The following CADM2 variants were observed in gnomAD, a reference collection of about 807,000 sequenced individuals.
The protein encoded by CADM2 is immunoglobulin superfamily member 4D.
Under a neutral mutation model 49.8 loss-of-function variants are expected in CADM2, and 12 were observed. The observed-to-expected ratio is 0.24, with a 90% confidence interval of 0.15 to 0.39. The LOEUF (loss-of-function observed/expected upper bound fraction) is 0.39, where lower values mean the gene tolerates loss of function less well. CADM2 is among the 10% of genes least tolerant of loss of function. The pLI is 1.00. For missense variants in CADM2, 378 were observed against 492.3 expected, an observed-to-expected ratio of 0.77 and a Z score of 2.20; for synonymous variants, 214 against 175.4, an observed-to-expected ratio of 1.22 and a Z score of -1.74.
At chr3:85,135,523 A>G (rs774728351) in intron 1 of CADM2, among the ~76,000 whole-genome samples, 1 of 152,112 alleles carries the variant, frequency 6.6e-6, no homozygotes, top group Admixed American at 6.5e-5. Flanking sequence ...TCAAAAGCAC[A>G]TATAGTACTC....
intron 1 of CADM2, among the ~76,000 whole-genome samples, chr3:85,031,858 C>T (rs2035005331): frequency 6.6e-6 from 1 of 152,088 alleles, no homozygotes; most frequent in Non-Finnish European, 1.5e-5. Context: ...TCATTTTCAT[C>T]AGGTAGTGAA....
chr3:85,360,376 T>C (rs2107276513), intron 1 of CADM2, among the ~76,000 whole-genome samples: 1 of 152,244 alleles, frequency 6.6e-6, no homozygotes, highest in African/African-American at 2.4e-5. Context: ...CATTTAAAAA[T>C]AGCTATAGAC....
chr3:85,076,690 G>T (rs184036500), intron 1 of CADM2, among the ~76,000 whole-genome samples: 1 of 151,838 alleles, frequency 6.6e-6, no homozygotes, highest in Non-Finnish European at 1.5e-5. Context: ...GATAATTTTC[G>T]GCTGGGCATG....
intron 1 of CADM2, among the ~76,000 whole-genome samples, chr3:85,626,856 A>G (rs1416935784): frequency 6.6e-6 from 1 of 152,030 alleles, no homozygotes; most frequent in Non-Finnish European, 1.5e-5. Flanking sequence ...ATCAGTGCAT[A>G]GCTTGGCTTC....
At chr3:85,944,380 A>G (rs1447309192) in intron 7 of CADM2, among the ~76,000 whole-genome samples, 6 of 152,080 alleles carry the variant, frequency 3.9e-5, no homozygotes, top group African/African-American at 1.2e-4. Context: ...GAAAGTTAAC[A>G]GGGATATCCA....
rs189273615 is a variant in CADM2 at position 86,031,970 on chromosome 3, A to G, written c.971-33635A>G. 1.9e-3 allele frequency among the ~76,000 whole-genome samples: 290 copies of G among 151,934 alleles called. 1 individual carries two copies. The highest frequency in any genetic ancestry group is 6.4e-3 in the African/African-American group (267 of 41,532). On this transcript the variant is annotated intron_variant, in intron 8 of 9. Transcript: ENST00000383699. ...GAGAAAGGAAGAAAATTGTAATGAT[A>G]GTTTGAAACCTGAGTGGGGAGGATG...
intron 1 of CADM2, among the ~76,000 whole-genome samples, chr3:85,107,631 T>TTCTTTCTTTC: frequency 7.3e-6 from 1 of 137,842 alleles, no homozygotes; most frequent in Non-Finnish European, 1.6e-5. Context: ...CTTTCTTTCT[T>TTCTTTCTTTC]TTTCTTTCTT....
At position 85,034,995 on chromosome 3, in the gene CADM2, G is replaced by A. The variant is rs553187136; in HGVS notation, c.61+75327G>A. On this transcript the variant is annotated intron_variant, in intron 1 of 9. Coordinates refer to ENST00000383699, the MANE Select transcript of CADM2 (RefSeq NM_001167675.2). ...TTTTTGTATTTTTAGTAGAGACGGA[G>A]TTTCATCATGTTGGCCAGGCTGGTC... is the stretch of plus-strand genomic sequence containing the variant. 1.2e-3 allele frequency among the ~76,000 whole-genome samples: 184 copies of A among 151,810 alleles called. 2 individuals are homozygous for A. The highest frequency in any genetic ancestry group is 8.9e-3 in the Admixed American group (136 of 15,250).
At chr3:85,674,366 C>A (rs980197188) in intron 1 of CADM2, among the ~76,000 whole-genome samples, 1 of 152,002 alleles carries the variant, frequency 6.6e-6, no homozygotes, top group Non-Finnish European at 1.5e-5. Flanking sequence ...CTTTTGTGTT[C>A]TGACTGTCTA....
At chr3:85,354,124 C>T (rs2031614113) in intron 1 of CADM2, among the ~76,000 whole-genome samples, 1 of 151,284 alleles carries the variant, frequency 6.6e-6, no homozygotes, top group African/African-American at 2.4e-5. Context: ...CTACATGGCA[C>T]AATGAAATAT....
chr3:85,772,927 TG>T (rs1293065776), intron 2 of CADM2, among the ~76,000 whole-genome samples: 4 of 151,934 alleles, frequency 2.6e-5, no homozygotes, highest in African/African-American at 9.7e-5. Context: ...TTCTTTTTTT[TG>T]ATTCTAGCTA....
intron 1 of CADM2, among the ~76,000 whole-genome samples, chr3:85,664,127 G>A (rs2065492613): frequency 6.6e-6 from 1 of 151,792 alleles, no homozygotes; most frequent in Non-Finnish European, 1.5e-5. Flanking sequence ...CTCAACTACT[G>A]TATCTCTAGA....
intron 1 of CADM2, among the ~76,000 whole-genome samples, chr3:85,055,293 G>A (rs1277632414): frequency 6.6e-6 from 1 of 151,950 alleles, no homozygotes; most frequent in Non-Finnish European, 1.5e-5. Context: ...CATAGATCAA[G>A]GACATGAAAC....
rs76588144 is a variant in CADM2, at chr3:85,463,943, G to T, written c.62-262579G>T. On this transcript the variant is annotated intron_variant, in intron 1 of 9. Coordinates refer to ENST00000383699, the MANE Select transcript of CADM2 (RefSeq NM_001167675.2). The stretch of plus-strand genomic sequence containing the variant: ...CATAGATCCAAGGTTATTGGGGTAT[G>T]ATATTCGACCCAAATTTAAATCTTA... 1.7e-4 allele frequency among the ~76,000 whole-genome samples: 26 copies of T among 152,160 alleles called. 2 individuals carry two copies. In the East Asian group the frequency reaches 5.0e-3, roughly 29 times the overall value.
chr3:85,051,221 C>T (rs1414690349), intron 1 of CADM2, among the ~76,000 whole-genome samples: 4 of 152,148 alleles, frequency 2.6e-5, no homozygotes, highest in Non-Finnish European at 4.4e-5. Context: ...TTAAGTCCTA[C>T]CTCATATTAT....
intron 1 of CADM2, among the ~76,000 whole-genome samples, chr3:85,658,860 G>C (rs994551873): frequency 6.0e-5 from 9 of 149,714 alleles, no homozygotes; most frequent in African/African-American, 2.2e-4. Context: ...AGACCAGCCT[G>C]GGCAATGCAG....
intron 1 of CADM2, among the ~76,000 whole-genome samples, chr3:85,059,090 T>A (rs1003828896): frequency 6.6e-6 from 1 of 151,722 alleles, no homozygotes; most frequent in Non-Finnish European, 1.5e-5. Flanking sequence ...ATACAAAGAA[T>A]TAGCTGGGAG....
At chr3:85,167,927 C>T (rs1456975906) in intron 1 of CADM2, among the ~76,000 whole-genome samples, 1 of 152,062 alleles carries the variant, frequency 6.6e-6, no homozygotes, top group Non-Finnish European at 1.5e-5. Context: ...ATATATATCT[C>T]TCCACATTGC....
intron 1 of CADM2, among the ~76,000 whole-genome samples, chr3:85,673,031 AG>A (rs2065787532): frequency 3.3e-5 from 5 of 152,202 alleles, no homozygotes. Context: ...AAACCATGTT[AG>A]GGTCAGGCTT....
Sources: allele counts gnomAD v4.1 joint callset (sites outside exome capture counted in the v4.1 genomes callset), GRCh38; gene constraint gnomAD v4.1.1; transcripts MANE v1.5; gene names NCBI Gene and HGNC (gene_info 2026-07-23, HGNC 2026-07-21).